Variants in ESR1 observed in about 807,000 individuals in gnomAD.
ESR1 encodes the protein estrogen receptor 1.
In ESR1, 12 loss-of-function variants were observed where a neutral mutation model predicts 52.7. The observed-to-expected ratio is 0.23, with a 90% CI of 0.15 to 0.37. The LOEUF (loss-of-function observed/expected upper bound fraction) is 0.37. Among genes scored for constraint, ESR1 ranks in the 10% least tolerant of loss-of-function variants. The pLI is 1.00. For missense variants in ESR1, 584 were observed against 779.7 expected (o/e 0.75, Z 2.99); for synonymous variants, 305 against 316.8 (o/e 0.96, Z 0.39).
intron 3 of ESR1, among the ~76,000 whole-genome samples, chr6:151,899,099 G>A (rs1314619949): frequency 4.4e-4 from 62 of 140,760 alleles, no homozygotes; most frequent in Admixed American, 7.5e-4. Context: ...CCTCCCTCCC[G>A]GACGGGGCGG....
At chr6:151,732,662 C>G (rs1317808592) in intron 2 of ESR1, among the ~76,000 whole-genome samples, 1 of 151,950 alleles carries the variant, frequency 6.6e-6, no homozygotes, top group East Asian at 1.9e-4. Flanking sequence ...TGGATATAGT[C>G]CCTTAACCCA....
chr6:151,864,471 C>G (rs989691457), intron 2 of ESR1, among the ~76,000 whole-genome samples: 15 of 152,108 alleles, frequency 9.9e-5, no homozygotes, highest in African/African-American at 2.2e-4. Flanking sequence ...GAAATAGGAA[C>G]ACTTTTACAC....
At chr6:151,830,677 C>CAAAAGATA (rs1395319055) in intron 1 of ESR1, among the ~76,000 whole-genome samples, 73 of 152,072 alleles carry the variant, frequency 4.8e-4, no homozygotes, top group African/African-American at 1.6e-3. Flanking sequence ...TAGTAACTGA[C>CAAAAGATA]AAAAGATAAA....
At chr6:152,072,625 C>G (rs532436480) in intron 6 of ESR1, among the ~76,000 whole-genome samples, 2 of 152,128 alleles carry the variant, frequency 1.3e-5, no homozygotes, top group South Asian at 2.1e-4. Context: ...CACTAAGGCC[C>G]GAAGGACCAA....
chr6:151,666,651 C>T (rs540750652), intron 1 of ESR1, among the ~76,000 whole-genome samples: 31 of 151,860 alleles, frequency 2.0e-4, no homozygotes, highest in African/African-American at 6.0e-4. Flanking sequence ...CAGACCTCTA[C>T]TTGGCTGGGT....
intron 2 of ESR1, among the ~76,000 whole-genome samples, chr6:151,746,695 A>C (rs527481320): frequency 6.6e-6 from 1 of 152,340 alleles, no homozygotes; most frequent in South Asian, 2.1e-4. Context: ...TTAACTTTAA[A>C]GTATTATGAG....
chr6:152,095,464 T>C (rs1390424819), intron 7 of ESR1, among the ~76,000 whole-genome samples: 1 of 152,238 alleles, frequency 6.6e-6, no homozygotes, highest in Non-Finnish European at 1.5e-5. Context: ...CTCTGCTCTA[T>C]GCCTCATGTC....
At chr6:152,087,734 C>T (rs2049854171) in intron 6 of ESR1, among the ~76,000 whole-genome samples, 1 of 152,184 alleles carries the variant, frequency 6.6e-6, no homozygotes, top group South Asian at 2.1e-4. Context: ...GGGCTCTTTT[C>T]ACAAAACAAG....
chr6:151,765,483 T>C (rs1562387996), intron 2 of ESR1, among the ~76,000 whole-genome samples: 1 of 152,242 alleles, frequency 6.6e-6, no homozygotes, highest in Non-Finnish European at 1.5e-5. Flanking sequence ...AGAATATATT[T>C]GGAATAAAAA....
upstream of ESR1, among the ~76,000 whole-genome samples, chr6:151,686,517 C>G (rs772733724): frequency 2.0e-5 from 3 of 152,174 alleles, no homozygotes; most frequent in Admixed American, 6.5e-5. Flanking sequence ...AACCCCGTCT[C>G]TACTAAAAAT....
At chr6:151,875,581 A>G (rs1349751919) in intron 2 of ESR1, among the ~76,000 whole-genome samples, 7 of 152,146 alleles carry the variant, frequency 4.6e-5, no homozygotes, top group Non-Finnish European at 7.4e-5. Flanking sequence ...TTAAAACCCA[A>G]CATAGTAAGT....
At chr6:151,668,565 G>T (rs1386124219) in intron 1 of ESR1, among the ~76,000 whole-genome samples, 1 of 152,152 alleles carries the variant, frequency 6.6e-6, no homozygotes, top group Non-Finnish European at 1.5e-5. Flanking sequence ...TTACAGGCGT[G>T]AGCCACTGCA....
intron 2 of ESR1, among the ~76,000 whole-genome samples, chr6:151,719,300 A>G (rs1264677595): frequency 6.6e-6 from 1 of 152,158 alleles, no homozygotes; most frequent in Non-Finnish European, 1.5e-5. Flanking sequence ...GCTACAGGAA[A>G]GAGCAAAGGT....
At chr6:151,768,435 A>T (rs1434698379) in intron 2 of ESR1, among the ~76,000 whole-genome samples, 1 of 152,196 alleles carries the variant, frequency 6.6e-6, no homozygotes, top group East Asian at 1.9e-4. Context: ...AGGCTAAAAG[A>T]GACAGGATGC....
chr6:151,669,269 G>C (rs1207767632), intron 1 of ESR1, among the ~76,000 whole-genome samples: 1 of 147,854 alleles, frequency 6.8e-6, no homozygotes, highest in Non-Finnish European at 1.5e-5. Context: ...TTCTGGAAAG[G>C]GGGTAGTGTT....
At chr6:151,661,912 C>T (rs1777650980) in intron 1 of ESR1, among the ~76,000 whole-genome samples, 1 of 152,204 alleles carries the variant, frequency 6.6e-6, no homozygotes, top group African/African-American at 2.4e-5. Flanking sequence ...GCCTTCCCAG[C>T]CATGTGGAAA....
intron 2 of ESR1, among the ~76,000 whole-genome samples, chr6:151,732,201 T>A (rs1382346328): frequency 6.6e-6 from 1 of 152,168 alleles, no homozygotes; most frequent in African/African-American, 2.4e-5. Context: ...AATTATAAAA[T>A]TGCCACTATA....
At chr6:152,118,188 T>C (rs1365817933) in intron 6 of ESR1, 1 of 152,164 alleles carries the variant, frequency 6.6e-6, no homozygotes, top group Non-Finnish European at 1.5e-5. Context: ...TTAATCTCCC[T>C]TTCCTCCCCT....
intron 1 of ESR1, among the ~76,000 whole-genome samples, chr6:151,695,018 G>A (rs1203597863): frequency 2.0e-5 from 3 of 152,164 alleles, no homozygotes; most frequent in African/African-American, 4.8e-5. Context: ...TGGAATGTGA[G>A]TACAGCAGCA....
Sources: allele counts gnomAD v4.1 joint callset (sites outside exome capture counted in the v4.1 genomes callset), GRCh38; gene constraint gnomAD v4.1.1; transcripts MANE v1.5; gene names NCBI Gene and HGNC (gene_info 2026-07-23, HGNC 2026-07-21).